CYP2C19: variants seen among roughly 807,000 people sequenced by gnomAD.
CYP2C19 encodes cytochrome P450 2C19.
A neutral mutation model predicts 40.9 loss-of-function variants in CYP2C19; 59 were observed. That is an observed-to-expected ratio of 1.44 (90% CI 1.17 to 1.79). The LOEUF is 1.79. Among genes scored for constraint, CYP2C19 ranks in the 40% most tolerant of loss-of-function variants. The pLI is 0.00. For synonymous variants in CYP2C19, 253 were observed against 208.7 expected, an observed-to-expected ratio of 1.21 and a Z score of -1.83; for missense variants, 754 against 596.9, an observed-to-expected ratio of 1.26 and a Z score of -2.74.
At chr10:94,845,695 T>C (rs1489253172) in intron 7 of CYP2C19, among the ~76,000 whole-genome samples, 3 of 152,196 alleles carry the variant, frequency 2.0e-5, no homozygotes, top group African/African-American at 7.2e-5. Context: ...AAATTTCTAT[T>C]TATTCAAGTA....
At position 94,780,535 on chromosome 10, in the gene CYP2C19, C is replaced by T. The variant is rs61311738; in HGVS notation, c.518C>T (p.Ala173Val). ...PCDPTFILGC[A>V]PCNVICSIIF... is the part of the protein sequence containing the mutation. The stretch of plus-strand genomic sequence containing the variant: ...GATCCCACTTTCATCCTGGGCTGTG[C>T]TCCCTGCAATGTGATCTGCTCCATT... The change falls in exon 4 of 9, where the codon GCT becomes GTT. Residue 173 changes from alanine (A) to valine (V), a missense_variant. Physicochemically the swap from Ala to Val is moderately conservative, Grantham distance 64. Transcript: ENST00000371321. 3,783 of 1,613,798 alleles carry T rather than the reference C, an allele frequency of 2.3e-3. 102 individuals carry two copies. In the South Asian group the frequency reaches 0.039, roughly 17 times the overall value.
chr10:94,769,936 T>C (rs1848303532), intron 1 of CYP2C19, among the ~76,000 whole-genome samples: 2 of 152,156 alleles, frequency 1.3e-5, no homozygotes, highest in African/African-American at 4.8e-5. Context: ...GGTGTGGGAC[T>C]TTCAGACATA....
At chr10:94,785,901 CATA>C (rs1848533642) in intron 5 of CYP2C19, among the ~76,000 whole-genome samples, 1 of 152,014 alleles carries the variant, frequency 6.6e-6, no homozygotes, top group South Asian at 2.1e-4. Flanking sequence ...AGTCCATTTG[CATA>C]ATAACATTAG....
intron 5 of CYP2C19, 131 bp downstream of exon 5, chr10:94,782,128 G>C (rs1323444917): frequency 6.4e-6 from 4 of 621,226 alleles, no homozygotes; most frequent in Non-Finnish European, 2.6e-6. Context: ...AGTTTTTATT[G>C]TATGCATGAA....
At chr10:94,801,545 G>C (rs1292465438) in intron 5 of CYP2C19, among the ~76,000 whole-genome samples, 1 of 152,164 alleles carries the variant, frequency 6.6e-6, no homozygotes, top group Admixed American at 6.5e-5. Context: ...GTGTTATGTG[G>C]TGCTGATAAG....
rs558732633 is a variant in CYP2C19 at position 94,780,037 on chromosome 10, CT to C, written c.482-461del. On this transcript the variant is annotated intron_variant, in intron 3 of 8. Coordinates refer to ENST00000371321, the MANE Select transcript of CYP2C19 (RefSeq NM_000769.4). ...TTTTCTCAAATACATGAATTCACCC[CT>C]AGTCTCTCTAGTTCCTCTCTACTGG... 3.1e-3 allele frequency among the ~76,000 whole-genome samples: 473 copies of C among 152,278 alleles called. 3 individuals carry two copies. The highest frequency in any genetic ancestry group is 0.011 in the African/African-American group (450 of 41,572).
At chr10:94,849,546 A>T (rs1360341435) in intron 7 of CYP2C19, among the ~76,000 whole-genome samples, 1 of 151,400 alleles carries the variant, frequency 6.6e-6, no homozygotes, top group Non-Finnish European at 1.5e-5. Context: ...TTTGTTACAT[A>T]TGTATACATG....
chr10:94,765,327 A>C (rs1244629416), intron 1 of CYP2C19, among the ~76,000 whole-genome samples: 2 of 152,076 alleles, frequency 1.3e-5, no homozygotes. Flanking sequence ...ACTTAGAAAG[A>C]CTAAGGTGCA....
intron 8 of CYP2C19, among the ~76,000 whole-genome samples, chr10:94,852,219 A>G (rs1849664201): frequency 6.7e-6 from 1 of 149,622 alleles, no homozygotes; most frequent in Non-Finnish European, 1.5e-5. Flanking sequence ...ACAGACAGGG[A>G]AGCCATTTAA....
chr10:94,773,941 T>C (rs1436769269), intron 1 of CYP2C19: 6 of 152,202 alleles, frequency 3.9e-5, no homozygotes, highest in African/African-American at 1.4e-4. Context: ...GAGTGCTGAT[T>C]GTTCCATTTT....
intron 1 of CYP2C19, among the ~76,000 whole-genome samples, chr10:94,769,769 T>TG (rs1406194138): frequency 6.6e-6 from 1 of 152,142 alleles, no homozygotes; most frequent in Non-Finnish European, 1.5e-5. Context: ...TGATTTGGAC[T>TG]GGGTGGGCAT....
intron 5 of CYP2C19, among the ~76,000 whole-genome samples, chr10:94,795,866 T>G (rs547947165): frequency 1.3e-5 from 2 of 152,288 alleles, no homozygotes; most frequent in East Asian, 3.9e-4. Flanking sequence ...TCTTGTAAAT[T>G]TGTTTGATTT....
intron 5 of CYP2C19, among the ~76,000 whole-genome samples, chr10:94,788,389 G>A (rs1488476861): frequency 6.6e-6 from 1 of 151,814 alleles, no homozygotes; most frequent in Non-Finnish European, 1.5e-5. Context: ...TAGAAGGATG[G>A]GTATTTTTTA....
At chr10:94,849,460 T>C (rs1177777457) in intron 7 of CYP2C19, among the ~76,000 whole-genome samples, 1 of 151,948 alleles carries the variant, frequency 6.6e-6, no homozygotes, top group Non-Finnish European at 1.5e-5. Context: ...AGAAATCCTA[T>C]AGGACTTTGG....
intron 5 of CYP2C19, among the ~76,000 whole-genome samples, chr10:94,813,207 C>T (rs1449352947): frequency 7.2e-5 from 11 of 152,124 alleles, no homozygotes; most frequent in Non-Finnish European, 8.8e-5. Context: ...GGCCACAGAA[C>T]AGCAAAGATT....
chr10:94,839,321 T>A (rs1849454052), intron 6 of CYP2C19, among the ~76,000 whole-genome samples: 1 of 152,028 alleles, frequency 6.6e-6, no homozygotes, highest in Non-Finnish European at 1.5e-5. Flanking sequence ...CCAGGCTGTA[T>A]AACCACCCAT....
chr10:94,767,618 C>A (rs1356172149), intron 1 of CYP2C19, among the ~76,000 whole-genome samples: 1 of 152,168 alleles, frequency 6.6e-6, no homozygotes, highest in African/African-American at 2.4e-5. Context: ...ATTCTTTTGG[C>A]ACACCTCAGA....
In CYP2C19 at chr10:94,853,075, G is replaced by A. The variant is rs1564687608; in HGVS notation, c.*161G>A. ...CAGCCTCCATTAAAAAAGTTTCACT[G>A]TGCAAATATATCTGCTATTCCCCAT... is the stretch of plus-strand genomic sequence containing the variant. On this transcript the variant is annotated 3_prime_UTR_variant, in exon 9 of 9. Transcript: ENST00000371321. 1.4e-6 allele frequency: 1 copy of A among 708,644 alleles called. No homozygotes were observed. Among genetic ancestry groups the A allele is most frequent in the Non-Finnish European group, 2.3e-6 (1 of 432,860 alleles). The allele number at this position is 708,644 out of a possible 1,614,324, so 43.9% of individuals were successfully genotyped here. A position where few individuals can be genotyped will look rare whatever the true frequency, so the allele number is the denominator to read the frequency against.
chr10:94,812,203 C>T (rs1333531279), intron 5 of CYP2C19, among the ~76,000 whole-genome samples: 4 of 152,118 alleles, frequency 2.6e-5, no homozygotes, highest in Non-Finnish European at 5.9e-5. Flanking sequence ...AATATTGGCC[C>T]CCACTCTCCT....
Sources: gnomAD v4.1 joint callset for allele counts (sites outside exome capture counted in the v4.1 genomes callset) on GRCh38, gnomAD v4.1.1 for gene constraint, MANE v1.5 for transcripts, NCBI Gene and HGNC (gene_info 2026-07-23, HGNC 2026-07-21) for gene names.